PIWIL1: variants seen among roughly 807,000 people sequenced by gnomAD.
The protein encoded by PIWIL1 is piwi-like protein 1.
Under a neutral mutation model 114.4 loss-of-function variants are expected in PIWIL1, and 73 were observed. That is an observed-to-expected ratio of 0.64 (90% CI 0.53 to 0.78). The LOEUF (loss-of-function observed/expected upper bound fraction) is 0.78, where lower values mean the gene tolerates loss of function less well. Ranked by LOEUF, PIWIL1 falls within the 30% of genes least tolerant of loss-of-function variation. The probability of loss-of-function intolerance (pLI) is 0.00; values close to 1 mark genes in which losing one functional copy is unlikely to be tolerated. For missense variants in PIWIL1, 723 were observed against 1,063.1 expected, an observed-to-expected ratio of 0.68 and a Z score of 4.45; for synonymous variants, 375 against 369.0, an observed-to-expected ratio of 1.02 and a Z score of -0.19.
the PIWIL1 span, among the ~76,000 whole-genome samples, chr12:130,385,815 T>C: frequency 6.6e-6 from 1 of 152,210 alleles, no homozygotes; most frequent in East Asian, 1.9e-4. Context: ...GTATTAAAGC[T>C]GTTGAAAAAT....
intron 11 of PIWIL1, among the ~76,000 whole-genome samples, 169 bp from the exon 12 acceptor site, chr12:130,355,384 G>T (rs1297944350): frequency 6.6e-6 from 1 of 152,208 alleles, no homozygotes; most frequent in Non-Finnish European, 1.5e-5. Context: ...AAGCCTGAAG[G>T]TGATGAGAGA....
the PIWIL1 span, among the ~76,000 whole-genome samples, chr12:130,402,971 T>G: frequency 1.3e-5 from 2 of 152,132 alleles, no homozygotes; most frequent in African/African-American, 4.8e-5. Flanking sequence ...ATGTAAATTA[T>G]GAAATAGCAA....
the PIWIL1 span, among the ~76,000 whole-genome samples, chr12:130,405,472 G>A: frequency 6.6e-6 from 1 of 152,224 alleles, no homozygotes; most frequent in African/African-American, 2.4e-5. Context: ...ACTGGGCTCT[G>A]CGCAGGGTCC....
In PIWIL1 at chr12:130,362,993, G is replaced by A. The variant is rs1235235129; in HGVS notation, c.2044G>A (p.Ala682Thr). ...AAAACTTCTCTGGCCTGTTTCAGCG[G>A]CTCTGAGGGCTTGGAATAGCTGCAA... The part of the protein sequence containing the change: ...VDGLKVCLQA[A>T]LRAWNSCNEY... Residue 682 changes from alanine to threonine, a missense_variant and splice_region_variant, in exon 18 of 21, where the codon GCT becomes ACT. By Grantham distance (58) the Ala-to-Thr change is moderately conservative. Coordinates refer to ENST00000245255, the MANE Select transcript of PIWIL1 (RefSeq NM_004764.5). The A allele has an allele frequency of 6.2e-7, 1 of 1,613,952 alleles. No individual in the cohort carries two copies. Among genetic ancestry groups the A allele is most frequent in the Non-Finnish European group, 8.5e-7 (1 of 1,179,854 alleles).
rs139091170 is a variant in PIWIL1 at position 130,352,594 on chromosome 12, C to T, written c.1045-1943C>T. ...CTCGCGAGGCTGAGGCAGGAGGAAT[C>T]GCTGGAACTCGGGAGACGGAGGTTG... On this transcript the variant is annotated intron_variant, in intron 9 of 20. Transcript: ENST00000245255. Among the ~76,000 whole-genome samples, 22 of 152,274 alleles carry T rather than the reference C, an allele frequency of 1.4e-4. No homozygotes were observed. The East Asian group carries it at 2.5e-3, about 17-fold the overall frequency.
intron 3 of PIWIL1, among the ~76,000 whole-genome samples, chr12:130,344,354 AAC>A (rs1341964911): frequency 6.6e-6 from 1 of 152,148 alleles, no homozygotes; most frequent in Non-Finnish European, 1.5e-5. Context: ...GACAAGTATG[AAC>A]AGTTACATGT....
At chr12:130,384,819 A>T in the PIWIL1 span, among the ~76,000 whole-genome samples, 1 of 150,780 alleles carries the variant, frequency 6.6e-6, no homozygotes, top group Admixed American at 6.6e-5. Context: ...CCCTAAATAG[A>T]TGACCTTTTT....
At chr12:130,381,334 C>T in the PIWIL1 span, among the ~76,000 whole-genome samples, 1 of 152,150 alleles carries the variant, frequency 6.6e-6, no homozygotes, top group Non-Finnish European at 1.5e-5. Context: ...TTCATTTCTC[C>T]CTCCCCTCCA....
At chr12:130,405,976 A>C in the PIWIL1 span, among the ~76,000 whole-genome samples, 2 of 152,218 alleles carry the variant, frequency 1.3e-5, no homozygotes, top group Non-Finnish European at 2.9e-5. Context: ...GAAACAATGA[A>C]GTTCACAGTC....
the PIWIL1 span, chr12:130,422,415 C>A: frequency 7.0e-7 from 1 of 1,433,048 alleles, no homozygotes. This position sits in a 1 kb window ranked among gnomAD's most constrained non-coding sequence, Gnocchi z 5.2. Context: ...ACATGCTCCG[C>A]GGCTGAAAGA....
At chr12:130,385,044 C>T in the PIWIL1 span, among the ~76,000 whole-genome samples, 1 of 152,086 alleles carries the variant, frequency 6.6e-6, no homozygotes, top group Non-Finnish European at 1.5e-5. Flanking sequence ...TCTCCCTCTT[C>T]CACGCTCACC....
the PIWIL1 span, chr12:130,407,748 C>A: frequency 6.2e-7 from 1 of 1,614,094 alleles, no homozygotes; most frequent in South Asian, 1.1e-5. Context: ...GTTGGGCGAG[C>A]TTTCTCTGGG....
chr12:130,415,780 G>T, the PIWIL1 span, among the ~76,000 whole-genome samples: 1 of 152,176 alleles, frequency 6.6e-6, no homozygotes, highest in East Asian at 1.9e-4. Context: ...CTTCACTGAT[G>T]ATATGATTCT....
chr12:130,349,495 C>T lies in PIWIL1; in HGVS notation c.932+59C>T, dbSNP rs538464907. 53 of 1,109,838 alleles carry T rather than the reference C, an allele frequency of 4.8e-5. No homozygotes were observed. In the South Asian group the frequency reaches 6.6e-4, roughly 14 times the overall value. The allele number at this position is 1,109,838 out of a possible 1,614,324, so 68.7% of individuals were successfully genotyped here. A position where few individuals can be genotyped will look rare whatever the true frequency, so the allele number is the denominator to read the frequency against. On this transcript the variant is annotated intron_variant, in intron 8 of 20. Coordinates refer to ENST00000245255, the MANE Select transcript of PIWIL1 (RefSeq NM_004764.5). ...TTGTGAGTCAAAGTATTGTGGCTTT[C>T]TAGTTCTACCATGTTAAGAAATAGT... is the stretch of plus-strand genomic sequence containing the variant.
At chr12:130,407,817 C>T in the PIWIL1 span, 5 of 1,613,816 alleles carry the variant, frequency 3.1e-6, no homozygotes, top group Non-Finnish European at 1.7e-6. Context: ...CCTGCCACTT[C>T]TCCTGCTTCT....
chr12:130,397,630 T>G, the PIWIL1 span: 2 of 397,400 alleles, frequency 5.0e-6, no homozygotes, highest in African/African-American at 4.1e-5. Flanking sequence ...ACTGTCCCCG[T>G]TTCCCACCAG....
intron 9 of PIWIL1, chr12:130,351,241 C>G (rs569737672): frequency 5.4e-4 from 82 of 152,288 alleles, no homozygotes; most frequent in African/African-American, 1.9e-3. Context: ...TCAGTGGAAC[C>G]TCTCCCCTTC....
chr12:130,342,373 C>G, intron 1 of PIWIL1: 1 of 567,654 alleles, frequency 1.8e-6, no homozygotes, highest in South Asian at 2.7e-5. Flanking sequence ...GGCCCTACTG[C>G]AGTGCCCAGT....
Position 130,342,561 on chromosome 12 carries a change from A to G in PIWIL1, c.-12-19A>G, listed in dbSNP as rs2072951068. On this transcript the variant is annotated intron_variant, in intron 1 of 20. Coordinates refer to ENST00000245255, the MANE Select transcript of PIWIL1 (RefSeq NM_004764.5). ...ATTGCCTCCATTGAGTATTGTCTTC[A>G]AGATTGTTTCCTCTCCAGAAATAGA... 1 of 1,477,792 alleles carries G rather than the reference A, an allele frequency of 6.8e-7. No individual in the cohort carries two copies. Among genetic ancestry groups the G allele is most frequent in the African/African-American group, 1.4e-5 (1 of 72,334 alleles). The allele number at this position is 1,477,792 out of a possible 1,614,324, so 91.5% of individuals were successfully genotyped here.
Sources: gnomAD v4.1 joint callset for allele counts (sites outside exome capture counted in the v4.1 genomes callset) on GRCh38, gnomAD v4.1.1 for gene constraint, Gnocchi (gnomAD v3.1) non-coding constraint, MANE v1.5 for transcripts, NCBI Gene and HGNC (gene_info 2026-07-23, HGNC 2026-07-21) for gene names.